LHFPL3: variants seen among roughly 807,000 people sequenced by gnomAD.
The protein encoded by LHFPL3 is LHFPL tetraspan subfamily member 3, also known as LHFPL tetraspan subfamily member 3 protein.
Under a neutral mutation model 19.3 loss-of-function variants are expected in LHFPL3, and 5 were observed. The observed-to-expected ratio is 0.26, with a 90% CI of 0.14 to 0.54. LHFPL3 has a LOEUF of 0.54. Among genes scored for constraint, LHFPL3 ranks in the 20% least tolerant of loss-of-function variants. The probability of loss-of-function intolerance (pLI) is 0.94; values close to 1 mark genes in which losing one functional copy is unlikely to be tolerated. For missense variants in LHFPL3, 249 were observed against 307.4 expected (o/e 0.81, Z 1.42); for synonymous variants, 133 against 126.2 (o/e 1.05, Z -0.36).
At chr7:104,567,151 G>A (rs75883523) in intron 1 of LHFPL3, among the ~76,000 whole-genome samples, 2,954 of 152,294 alleles carry the variant, frequency 0.019, 86 homozygotes, top group African/African-American at 0.067. Context: ...TTTTGTGAAA[G>A]CAGAGTTTCC....
chr7:104,863,602 C>T (rs889667949), intron 2 of LHFPL3, among the ~76,000 whole-genome samples: 16 of 152,222 alleles, frequency 1.1e-4, no homozygotes, highest in Admixed American at 8.5e-4. Context: ...AATACCTACA[C>T]GTGCCAGGCA....
chr7:104,771,816 CTTTTTTTT>C (rs71155523), intron 2 of LHFPL3, among the ~76,000 whole-genome samples: 25 of 75,432 alleles, frequency 3.3e-4, no homozygotes, highest in Middle Eastern at 0.011. Flanking sequence ...TTTTGCCTCT[CTTTTTTTT>C]TTTTTTTTTT....
At chr7:104,658,629 C>T (rs541408924) in intron 1 of LHFPL3, among the ~76,000 whole-genome samples, 44 of 152,204 alleles carry the variant, frequency 2.9e-4, no homozygotes, top group Non-Finnish European at 4.7e-4. Context: ...GGTGAAACCC[C>T]GTCTCTACTA....
At chr7:104,845,299 T>G in intron 2 of LHFPL3, 1 of 777,878 alleles carries the variant, frequency 1.3e-6, no homozygotes, top group South Asian at 1.5e-5. Flanking sequence ...AGGAATGACG[T>G]TGTCAGTTTT....
chr7:104,529,647 A>C (rs890295680), intron 1 of LHFPL3, among the ~76,000 whole-genome samples: 4 of 152,204 alleles, frequency 2.6e-5, no homozygotes, highest in African/African-American at 9.6e-5. Flanking sequence ...CTTTCTCTAC[A>C]TAAGACAGAA....
chr7:104,592,345 A>C (rs6945006), intron 1 of LHFPL3, among the ~76,000 whole-genome samples: 28,157 of 151,302 alleles, frequency 0.19, 2,820 homozygotes, highest in East Asian at 0.37. Context: ...TTCTAACAGT[A>C]AGGACCCTCA....
At chr7:104,574,375 T>C (rs1216634640) in intron 1 of LHFPL3, among the ~76,000 whole-genome samples, 1 of 152,218 alleles carries the variant, frequency 6.6e-6, no homozygotes, top group African/African-American at 2.4e-5. Flanking sequence ...AAAAGTCCTA[T>C]AATATCATTA....
intron 2 of LHFPL3, among the ~76,000 whole-genome samples, chr7:104,741,346 G>T (rs1793932940): frequency 6.6e-6 from 1 of 150,574 alleles, no homozygotes; most frequent in Admixed American, 6.7e-5. Flanking sequence ...GTACTTTCAT[G>T]AAACAGAAGG....
At chr7:104,580,474 A>G (rs958460377) in intron 1 of LHFPL3, among the ~76,000 whole-genome samples, 4 of 152,060 alleles carry the variant, frequency 2.6e-5, no homozygotes, top group Non-Finnish European at 5.9e-5. Flanking sequence ...AAGCCATCTT[A>G]TTTTTTATAT....
chr7:104,601,196 A>T (rs1191585940), intron 1 of LHFPL3, among the ~76,000 whole-genome samples: 1 of 152,208 alleles, frequency 6.6e-6, no homozygotes, highest in African/African-American at 2.4e-5. Flanking sequence ...GATATACATC[A>T]GAATCTGCTG....
chr7:104,351,906 T>C (rs545424179), intron 1 of LHFPL3, among the ~76,000 whole-genome samples: 1 of 152,166 alleles, frequency 6.6e-6, no homozygotes, highest in Non-Finnish European at 1.5e-5. Flanking sequence ...TGTTAAGACC[T>C]AATACAACTA....
At chr7:104,840,572 G>A (rs1394023049) in intron 2 of LHFPL3, among the ~76,000 whole-genome samples, 1 of 127,162 alleles carries the variant, frequency 7.9e-6, no homozygotes, top group Non-Finnish European at 1.6e-5. Flanking sequence ...TCCTACCTCA[G>A]CCTCCTGAAG....
chr7:104,723,984 C>G (rs1793541853), intron 1 of LHFPL3, among the ~76,000 whole-genome samples: 1 of 152,098 alleles, frequency 6.6e-6, no homozygotes, highest in Non-Finnish European at 1.5e-5. Flanking sequence ...TGTGATGGTG[C>G]TACATCTTAA....
At chr7:104,822,348 T>C (rs1040433967) in intron 2 of LHFPL3, among the ~76,000 whole-genome samples, 2 of 152,196 alleles carry the variant, frequency 1.3e-5, no homozygotes, top group African/African-American at 4.8e-5. Context: ...TTATAACACA[T>C]TTATCAGGTA....
intron 1 of LHFPL3, among the ~76,000 whole-genome samples, chr7:104,373,813 G>A (rs1030841094): frequency 6.6e-6 from 1 of 151,872 alleles, no homozygotes; most frequent in Admixed American, 6.6e-5. Flanking sequence ...GGTTTGGGAG[G>A]GCCTGGAAGA....
At chr7:104,468,727 C>A (rs576574965) in intron 1 of LHFPL3, among the ~76,000 whole-genome samples, 22 of 148,874 alleles carry the variant, frequency 1.5e-4, no homozygotes, top group African/African-American at 5.5e-4. Context: ...GGTGCGATCT[C>A]GGCTCACTGC....
chr7:104,364,035 G>A (rs1790438665), intron 1 of LHFPL3, among the ~76,000 whole-genome samples: 1 of 152,188 alleles, frequency 6.6e-6, no homozygotes, highest in Admixed American at 6.5e-5. Flanking sequence ...TGCAGCTGAA[G>A]CTTCCTATAT....
chr7:104,886,028 A>G (rs1015919773), intron 2 of LHFPL3, among the ~76,000 whole-genome samples: 8 of 152,112 alleles, frequency 5.3e-5, no homozygotes, highest in Non-Finnish European at 7.3e-5. Context: ...CTGCTCCAAA[A>G]TAACAGCTGG....
chr7:104,601,635 A>T (rs1371558695), intron 1 of LHFPL3, among the ~76,000 whole-genome samples: 5 of 152,192 alleles, frequency 3.3e-5, no homozygotes, highest in Non-Finnish European at 7.3e-5. Context: ...AAAGAGCTGG[A>T]ATCAGGTTTT....
Sources: gnomAD v4.1 joint callset for allele counts (sites outside exome capture counted in the v4.1 genomes callset) on GRCh38, gnomAD v4.1.1 for gene constraint, MANE v1.5 for transcripts, NCBI Gene and HGNC (gene_info 2026-07-23, HGNC 2026-07-21) for gene names.